The following HPSE2 variants were observed in gnomAD, a reference collection of about 807,000 sequenced individuals.
The protein encoded by HPSE2 is heparanase 2 (inactive).
Under a neutral mutation model 60.5 loss-of-function variants are expected in HPSE2, and 38 were observed. The observed-to-expected ratio is 0.63, with a 90% CI of 0.48 to 0.82. HPSE2 has a LOEUF of 0.82. Among genes scored for constraint, HPSE2 ranks in the 40% least tolerant of loss-of-function variants. The pLI is 0.00. For synonymous variants in HPSE2, 295 were observed against 293.2 expected (o/e 1.01, Z -0.06); for missense variants, 713 against 740.4 (o/e 0.96, Z 0.43).
intron 3 of HPSE2, among the ~76,000 whole-genome samples, chr10:98,960,726 A>ATTTTTT (rs68091060): frequency 1.9e-5 from 2 of 102,602 alleles, no homozygotes; most frequent in Non-Finnish European, 3.8e-5. Flanking sequence ...TTTTTGTTTT[A>ATTTTTT]TTTTTTTTAT....
intron 3 of HPSE2, among the ~76,000 whole-genome samples, chr10:99,000,375 C>G (rs1956749818): frequency 1.3e-5 from 2 of 152,006 alleles, no homozygotes; most frequent in South Asian, 4.2e-4. Context: ...GACACAATTA[C>G]CCAAGAGAAA....
intron 3 of HPSE2, among the ~76,000 whole-genome samples, chr10:99,093,125 G>A (rs1455401193): frequency 6.6e-6 from 1 of 152,024 alleles, no homozygotes; most frequent in African/African-American, 2.4e-5. Flanking sequence ...CTACTTGGGA[G>A]GCTGAGGCAG....
intron 2 of HPSE2, among the ~76,000 whole-genome samples, chr10:99,225,329 G>A (rs1272359897): frequency 2.0e-5 from 3 of 151,924 alleles, no homozygotes; most frequent in Admixed American, 6.6e-5. Context: ...GTAACAAGAA[G>A]TCAATAGTAA....
intron 11 of HPSE2, 26 bp downstream of exon 11, chr10:98,482,610 C>T (rs757400109): frequency 8.9e-5 from 144 of 1,613,744 alleles, no homozygotes; most frequent in Non-Finnish European, 1.0e-4. Flanking sequence ...CACTTGCTCC[C>T]GAGCTATTTT....
At position 98,620,726 on chromosome 10, in the gene HPSE2, G is replaced by A; in HGVS notation, c.1099-18C>T. The A allele has an allele frequency of 6.5e-7, 1 of 1,537,500 alleles. No individual in the cohort carries two copies. Among genetic ancestry groups the A allele is most frequent in the Non-Finnish European group, 9.0e-7 (1 of 1,111,504 alleles). The stretch of plus-strand genomic sequence containing the variant: ...TTAACCACCTGTTTACACAACAAAA[G>A]CAGAAGGGGATAACGAGGTTTTAAA... On this transcript the variant is annotated intron_variant, in intron 7 of 11. Coordinates refer to ENST00000370552, the MANE Select transcript of HPSE2 (RefSeq NM_021828.5).
chr10:99,152,340 A>G (rs1470403807), intron 2 of HPSE2, among the ~76,000 whole-genome samples: 1 of 151,778 alleles, frequency 6.6e-6, no homozygotes, highest in African/African-American at 2.4e-5. Flanking sequence ...GACTGAGAGA[A>G]TTTGTTGCTA....
At chr10:99,195,999 TAA>T (rs1232562440) in intron 2 of HPSE2, among the ~76,000 whole-genome samples, 1 of 151,958 alleles carries the variant, frequency 6.6e-6, no homozygotes, top group African/African-American at 2.4e-5. Flanking sequence ...GGTAGTGGCA[TAA>T]AAACAGACAC....
At chr10:98,825,837 T>C (rs1002498075) in intron 3 of HPSE2, among the ~76,000 whole-genome samples, 5 of 152,330 alleles carry the variant, frequency 3.3e-5, no homozygotes, top group South Asian at 2.1e-4. Flanking sequence ...TTCTTTGTCA[T>C]TGGACATGGT....
the HPSE2 span, among the ~76,000 whole-genome samples, chr10:99,312,065 G>A: frequency 6.6e-6 from 1 of 152,188 alleles, no homozygotes; most frequent in Non-Finnish European, 1.5e-5. Flanking sequence ...TGAGGAAGTT[G>A]CCCAGGAAAA....
chr10:98,687,391 A>G (rs957679028), intron 6 of HPSE2, among the ~76,000 whole-genome samples: 3 of 150,530 alleles, frequency 2.0e-5, no homozygotes, highest in African/African-American at 7.4e-5. Flanking sequence ...CATTTCTCCA[A>G]CCTCCTCTCT....
chr10:98,657,739 G>A (rs1426486032), intron 6 of HPSE2, among the ~76,000 whole-genome samples: 1 of 152,178 alleles, frequency 6.6e-6, no homozygotes, highest in South Asian at 2.1e-4. Context: ...TACTGTATTT[G>A]GTATAATACA....
intron 3 of HPSE2, among the ~76,000 whole-genome samples, chr10:99,102,159 C>CA (rs1589658850): frequency 2.6e-5 from 3 of 115,484 alleles, no homozygotes; most frequent in African/African-American, 5.0e-5. Context: ...AATAGAGACA[C>CA]AAAAAACCCT....
chr10:98,714,247 A>T (rs11189767), intron 5 of HPSE2, among the ~76,000 whole-genome samples: 17,180 of 151,836 alleles, frequency 0.11, 1,269 homozygotes, highest in Non-Finnish European at 0.17. Context: ...CACTCAGAGA[A>T]GTGTTCAATT....
At chr10:99,029,631 T>G (rs552068080) in intron 3 of HPSE2, among the ~76,000 whole-genome samples, 1 of 152,286 alleles carries the variant, frequency 6.6e-6, no homozygotes, top group African/African-American at 2.4e-5. Flanking sequence ...AAAGACAGCT[T>G]ACACCATTAT....
chr10:99,166,145 C>A (rs148468955), intron 2 of HPSE2, among the ~76,000 whole-genome samples: 2 of 151,920 alleles, frequency 1.3e-5, no homozygotes, highest in African/African-American at 4.8e-5. Context: ...ATAGTTAATT[C>A]TTTTATTGCT....
chr10:98,895,405 T>C (rs1340522426), intron 3 of HPSE2, among the ~76,000 whole-genome samples: 1 of 152,172 alleles, frequency 6.6e-6, no homozygotes, highest in Non-Finnish European at 1.5e-5. Flanking sequence ...ACAGAGTCCA[T>C]GTAGCTGAAA....
At chr10:98,495,518 G>A (rs1398191318) in intron 9 of HPSE2, among the ~76,000 whole-genome samples, 1 of 151,768 alleles carries the variant, frequency 6.6e-6, no homozygotes, top group African/African-American at 2.4e-5. Flanking sequence ...GTGTATATTA[G>A]TCCACTTAAT....
chr10:99,278,027 G>A, the HPSE2 span, among the ~76,000 whole-genome samples: 2 of 151,450 alleles, frequency 1.3e-5, no homozygotes, highest in Admixed American at 6.6e-5. Context: ...AACCCAGGAG[G>A]CGGAGGTTTC....
intron 3 of HPSE2, among the ~76,000 whole-genome samples, chr10:99,070,558 A>G (rs1842755639): frequency 6.6e-6 from 1 of 152,248 alleles, no homozygotes; most frequent in South Asian, 2.1e-4. Flanking sequence ...TATATAATTC[A>G]GTATTGTTAA....
Sources: allele counts gnomAD v4.1 joint callset (sites outside exome capture counted in the v4.1 genomes callset), GRCh38; gene constraint gnomAD v4.1.1; transcripts MANE v1.5; gene names NCBI Gene and HGNC (gene_info 2026-07-23, HGNC 2026-07-21).